The following CLK4 variants were observed in gnomAD, a reference collection of about 807,000 sequenced individuals.
CLK4 encodes the protein dual specificity protein kinase CLK4.
CLK4 carries 37 observed loss-of-function variants against 64.4 expected under a neutral mutation model. That is an observed-to-expected ratio of 0.57 (90% CI 0.44 to 0.76). The LOEUF (loss-of-function observed/expected upper bound fraction) is 0.76, where lower values mean the gene tolerates loss of function less well. Among genes scored for constraint, CLK4 ranks in the 30% least tolerant of loss-of-function variants. The pLI is 0.00. For synonymous variants in CLK4, 175 were observed against 191.6 expected (o/e 0.91, Z 0.72); for missense variants, 457 against 605.1 (o/e 0.76, Z 2.57).
Position 178,617,223 on chromosome 5 carries a change from A to C in CLK4, c.475+121T>G, listed in dbSNP as rs763042196. On this transcript the variant is annotated intron_variant, in intron 4 of 12. Coordinates refer to ENST00000316308, the MANE Select transcript of CLK4 (RefSeq NM_020666.3). This position sits in a 1 kb window ranked among gnomAD's most constrained non-coding sequence, Gnocchi z 5.2. ...AAAGAAGAAATATAAAAGAACAAACAAACCCACAAAAAGCAAAATAAAAAA... is the reference window on the plus strand; with the variant it reads ...AAAGAAGAAATATAAAAGAACAAACCAACCCACAAAAAGCAAAATAAAAAA... 3.6e-5 allele frequency: 27 copies of C among 755,592 alleles called. No homozygotes were observed. Among genetic ancestry groups the C allele is most frequent in the Middle Eastern group, 2.3e-4 (1 of 4,276 alleles). The allele number at this position is 755,592 out of a possible 1,614,324, so 46.8% of individuals were successfully genotyped here. A position where few individuals can be genotyped will look rare whatever the true frequency, so the allele number is the denominator to read the frequency against.
rs763065343 is a variant in CLK4 at position 178,613,618 on chromosome 5, T to G, written c.681A>C (p.Glu227Asp). The change falls in exon 7 of 13, where the codon GAA becomes GAC. Residue 227 changes from glutamate to aspartate, a missense_variant. Transcript: ENST00000316308. ...NSVFRCVQML[E>D]WFDHHGHVCI... ...AAACATGACCATGATGATCAAACCA[T>G]TCTAGCATCTGGACACATCGGCTAA... 1 of 1,609,968 alleles carries G rather than the reference T, an allele frequency of 6.2e-7. No homozygotes were observed. Among genetic ancestry groups the G allele is most frequent in the South Asian group, 1.1e-5 (1 of 89,906 alleles).
chr5:178,605,530 C>T, intron 10 of CLK4, 148 bp from the exon 11 acceptor site: 1 of 491,448 alleles, frequency 2.0e-6, no homozygotes, highest in Non-Finnish European at 3.5e-6. Context: ...GAAAAACTGT[C>T]TCCTCATTTA....
chr5:178,613,682 A>C, intron 6 of CLK4, 43 bp from the exon 7 acceptor site: 1 of 1,608,002 alleles, frequency 6.2e-7, no homozygotes, highest in Non-Finnish European at 8.5e-7. Context: ...GGAAACCTGA[A>C]TATTTCATGT....
At chr5:178,626,086 A>C (rs1053618944) in intron 1 of CLK4, among the ~76,000 whole-genome samples, 6 of 152,230 alleles carry the variant, frequency 3.9e-5, no homozygotes, top group Admixed American at 2.0e-4. Flanking sequence ...TACGCTACGT[A>C]CATGGCTTAA....
Position 178,603,509 on chromosome 5 carries a change from G to A in CLK4, c.*108C>T. 1 of 764,740 alleles carries A rather than the reference G, an allele frequency of 1.3e-6. No individual in the cohort carries two copies. Among genetic ancestry groups the A allele is most frequent in the Non-Finnish European group, 1.9e-6 (1 of 518,700 alleles). 47.4% of individuals were successfully genotyped at this position (764,740 alleles called of 1,614,324 possible). Reference sequence around the variant, plus strand: ...AAACATACAATATTTACACTTAACTGTACAAAATAATTTAATGTTTACAAA... The same window carrying A: ...AAACATACAATATTTACACTTAACTATACAAAATAATTTAATGTTTACAAA... On this transcript the variant is annotated 3_prime_UTR_variant, in exon 13 of 13. Transcript: ENST00000316308.
At chr5:178,607,352 T>C (rs1185510144) in intron 10 of CLK4, among the ~76,000 whole-genome samples, 1 of 152,050 alleles carries the variant, frequency 6.6e-6, no homozygotes, top group African/African-American at 2.4e-5. Flanking sequence ...ATATGTTCCT[T>C]TACTCCTCTG....
At chr5:178,623,899 G>C (rs1029032560) in intron 1 of CLK4, among the ~76,000 whole-genome samples, 13 of 152,112 alleles carry the variant, frequency 8.5e-5, no homozygotes, top group Non-Finnish European at 4.4e-5. Context: ...TTTTAAAAAT[G>C]TTAACATTAA....
intron 3 of CLK4, 63 bp downstream of exon 3, chr5:178,618,493 T>C: frequency 2.4e-6 from 2 of 822,788 alleles, no homozygotes; most frequent in South Asian, 5.9e-5. Flanking sequence ...TAGAAACTTA[T>C]CAGCTCGTTA....
At chr5:178,616,754 C>A in intron 5 of CLK4, 128 bp downstream of exon 5, 1 of 681,970 alleles carries the variant, frequency 1.5e-6, no homozygotes, top group Non-Finnish European at 2.5e-6. Context: ...CAAGATAGCA[C>A]CACTGCACTC....
At chr5:178,616,090 T>C (rs1764623091) in intron 5 of CLK4, among the ~76,000 whole-genome samples, 1 of 152,168 alleles carries the variant, frequency 6.6e-6, no homozygotes, top group Non-Finnish European at 1.5e-5. Context: ...CATTCTTTTT[T>C]TTTATTTTTA....
At position 178,612,429 on chromosome 5, in the gene CLK4, G is replaced by T. The variant is rs56336368; in HGVS notation, c.1038C>A (p.Pro346=). The change falls in exon 9 of 13, where the codon CCC becomes CCA. Residue 346 remains proline (P), a synonymous_variant. Transcript: ENST00000316308. ...GTGTCTACTGACCCAAAATGACCTC[G>T]GGAGCTCTGTAGTGCCGGGTAGACA... ...TLVSTRHYRA[P]EVILALGWSQ... 4 of 1,610,974 alleles carry T rather than the reference G, an allele frequency of 2.5e-6. No individual in the cohort carries two copies. The highest frequency in any genetic ancestry group is 3.4e-5 in the Admixed American group (2 of 59,662).
chr5:178,604,328 A>C (rs886164117), intron 11 of CLK4: 1 of 155,524 alleles, frequency 6.4e-6, no homozygotes, highest in Non-Finnish European at 1.4e-5. Flanking sequence ...CAGCTGGTTA[A>C]GGACAGAATA....
chr5:178,619,348 C>A (rs1562130270), intron 2 of CLK4, among the ~76,000 whole-genome samples: 1 of 152,230 alleles, frequency 6.6e-6, no homozygotes, highest in Non-Finnish European at 1.5e-5. Context: ...TTTCAAACCA[C>A]TATTATACAG....
intron 10 of CLK4, among the ~76,000 whole-genome samples, chr5:178,606,980 T>G (rs1236311070): frequency 1.3e-5 from 2 of 151,264 alleles, no homozygotes; most frequent in East Asian, 3.9e-4. Flanking sequence ...AAAAAAAAAT[T>G]AAGATTTCAG....
At chr5:178,618,891 T>C in intron 2 of CLK4, 113 bp from the exon 3 acceptor site, 1 of 713,156 alleles carries the variant, frequency 1.4e-6, no homozygotes, top group Non-Finnish European at 2.3e-6. Flanking sequence ...AAGAAAAAAA[T>C]TCAAACAGAT....
Position 178,623,352 on chromosome 5 carries a change from C to T in CLK4, c.65G>A (p.Ser22Asn). 4 of 1,614,090 alleles carry T rather than the reference C, an allele frequency of 2.5e-6. No individual in the cohort carries two copies. Among genetic ancestry groups the T allele is most frequent in the Non-Finnish European group, 3.4e-6 (4 of 1,179,984 alleles). The stretch of plus-strand genomic sequence containing the variant: ...CTTCCGCTTGTGACTTCCACGATAG[C>T]TTTCATGTCCCCAGCTTTCTCTGCT... ...WDSRESWGHE[S>N]YRGSHKRKRR... Residue 22 changes from serine (S) to asparagine (N), a missense_variant, in exon 2 of 13, where the codon AGC becomes AAC. Coordinates refer to ENST00000316308, the MANE Select transcript of CLK4 (RefSeq NM_020666.3).
chr5:178,615,946 T>A (rs1764620981), intron 5 of CLK4, among the ~76,000 whole-genome samples: 1 of 152,176 alleles, frequency 6.6e-6, no homozygotes, highest in African/African-American at 2.4e-5. Context: ...TAGACATGCT[T>A]TATTGCCTCT....
At position 178,617,679 on chromosome 5, in the gene CLK4, T is replaced by A; in HGVS notation, c.385-245A>T. 3.3e-6 allele frequency: 1 copy of A among 307,226 alleles called. No homozygotes were observed. The highest frequency in any genetic ancestry group is 5.9e-6 in the Non-Finnish European group (1 of 169,686). The allele number at this position is 307,226 out of a possible 1,614,324, so 19.0% of individuals were successfully genotyped here. A position where few individuals can be genotyped will look rare whatever the true frequency, so the allele number is the denominator to read the frequency against. Reference sequence around the variant, plus strand: ...TCAGATAAGATACTTAAAGTGGCAATAGAAAAAAACAACACAATTGTCTCT... The same window carrying A: ...TCAGATAAGATACTTAAAGTGGCAAAAGAAAAAAACAACACAATTGTCTCT... On this transcript the variant is annotated intron_variant, in intron 3 of 12. Coordinates refer to ENST00000316308, the MANE Select transcript of CLK4 (RefSeq NM_020666.3). This position sits in a 1 kb window ranked among gnomAD's most constrained non-coding sequence, Gnocchi z 5.2.
intron 1 of CLK4, among the ~76,000 whole-genome samples, chr5:178,625,526 A>C (rs1195070532): frequency 6.6e-6 from 1 of 152,110 alleles, no homozygotes; most frequent in Non-Finnish European, 1.5e-5. Context: ...TCAGGAACTC[A>C]GCTTGGTTAA....
Sources: allele counts gnomAD v4.1 joint callset (sites outside exome capture counted in the v4.1 genomes callset), GRCh38; gene constraint gnomAD v4.1.1; non-coding constraint Gnocchi (gnomAD v3.1); transcripts MANE v1.5; gene names NCBI Gene and HGNC (gene_info 2026-07-23, HGNC 2026-07-21).